The following ASXL1 variants were observed in gnomAD, a reference collection of about 807,000 sequenced individuals.
ASXL1 encodes the protein ASXL transcriptional regulator 1.
Under a neutral mutation model 89.1 loss-of-function variants are expected in ASXL1, and 65 were observed. That is an observed-to-expected ratio of 0.73 (90% CI 0.60 to 0.90). ASXL1 has a LOEUF of 0.90. ASXL1 is among the 40% of genes least tolerant of loss of function. The pLI is 0.00. For synonymous variants in ASXL1, 739 were observed against 746.9 expected (o/e 0.99, Z 0.17); for missense variants, 1,786 against 1,942.9 (o/e 0.92, Z 1.52).
intron 4 of ASXL1, among the ~76,000 whole-genome samples, chr20:32,425,590 A>G (rs751003544): frequency 2.0e-5 from 3 of 152,086 alleles, no homozygotes; most frequent in Non-Finnish European, 4.4e-5. Context: ...ATTGTTAGTG[A>G]GATTAAATAC....
intron 4 of ASXL1, among the ~76,000 whole-genome samples, chr20:32,403,963 A>T (rs1600531748): frequency 6.6e-6 from 1 of 152,284 alleles, no homozygotes; most frequent in East Asian, 1.9e-4. Context: ...TATAATGATC[A>T]AAGCAAGGTA....
chr20:32,375,138 G>C (rs2048355847), intron 4 of ASXL1, among the ~76,000 whole-genome samples: 1 of 152,088 alleles, frequency 6.6e-6, no homozygotes, highest in African/African-American at 2.4e-5. Context: ...ACCGTGCCCA[G>C]CCACCTCTGA....
At chr20:32,359,407 TG>T (rs1232433288) in intron 1 of ASXL1, 99 of 702,422 alleles carry the variant, frequency 1.4e-4, no homozygotes, top group Middle Eastern at 1.4e-3. Flanking sequence ...TAGTGTCCTG[TG>T]GGCGACACCT....
intron 4 of ASXL1, among the ~76,000 whole-genome samples, chr20:32,388,883 T>C (rs1356923948): frequency 1.3e-5 from 2 of 152,154 alleles, no homozygotes; most frequent in Non-Finnish European, 2.9e-5. Flanking sequence ...TTATGAAATA[T>C]ATAATTTATT....
chr20:32,412,780 A>C (rs1223821468), intron 4 of ASXL1, among the ~76,000 whole-genome samples: 1 of 150,712 alleles, frequency 6.6e-6, no homozygotes, highest in African/African-American at 2.4e-5. Context: ...GCTTATCTTG[A>C]ACTCCTGGGC....
At position 32,435,976 on chromosome 20, in the gene ASXL1, G is replaced by A; in HGVS notation, c.3264G>A (p.Gln1088=). ...TACTGCTGGCCAGTACTGAGTACCA[G>A]CCAAGAGCCGTGTGCCTGTCCATGC... ...DSLLLASTEY[Q]PRAVCLSMPG... is the part of the protein sequence containing the mutation. The change falls in exon 13 of 13, where the codon CAG becomes CAA. Residue 1088 remains glutamine (Q), a synonymous_variant. Coordinates refer to ENST00000375687, the MANE Select transcript of ASXL1 (RefSeq NM_015338.6). The A allele has an allele frequency of 6.2e-7, 1 of 1,614,162 alleles. No homozygotes were observed. Among genetic ancestry groups the A allele is most frequent in the Non-Finnish European group, 8.5e-7 (1 of 1,180,030 alleles).
At chr20:32,373,194 T>C (rs866180075) in intron 4 of ASXL1, among the ~76,000 whole-genome samples, 7 of 151,372 alleles carry the variant, frequency 4.6e-5, no homozygotes, top group Middle Eastern at 6.9e-3. Context: ...CTGGCCAACA[T>C]GGCGAAACCC....
At chr20:32,363,790 G>A (rs1344665574) in intron 1 of ASXL1, among the ~76,000 whole-genome samples, 1 of 152,200 alleles carries the variant, frequency 6.6e-6, no homozygotes, top group Admixed American at 6.5e-5. Context: ...ACAACACATA[G>A]CAGGAGAGAA....
chr20:32,358,955 C>T (rs1252884246), intron 1 of ASXL1, 123 bp downstream of exon 1: 10 of 1,057,088 alleles, frequency 9.5e-6, no homozygotes, highest in African/African-American at 6.8e-5. Context: ...GGGCCATCTT[C>T]CTTTAAGAAC....
Position 32,437,228 on chromosome 20 carries a change from T to C in ASXL1, c.4516T>C (p.Cys1506Arg). The C allele has an allele frequency of 6.2e-7, 1 of 1,613,770 alleles. No individual in the cohort carries two copies. The highest frequency in any genetic ancestry group is 1.1e-5 in the South Asian group (1 of 91,076). ...CACGGTGGAAAGCATCTCGCTCCAG[T>C]GTGCGTGCAGCCTGAAAGCCATGAT... The part of the protein sequence containing the change: ...SSTVESISLQ[C>R]ACSLKAMIMC... The change falls in exon 13 of 13, where the codon TGT becomes CGT. Residue 1506 changes from cysteine to arginine, a missense_variant. By Grantham distance (180) the Cys-to-Arg change is radical. Transcript: ENST00000375687.
At position 32,358,684 on chromosome 20, in the gene ASXL1, C is replaced by A. The variant is rs886056592; in HGVS notation, c.-92C>A. The A allele has an allele frequency of 1.9e-4, 101 of 528,552 alleles. No homozygotes were observed. Among genetic ancestry groups the A allele is most frequent in the Admixed American group, 2.5e-4 (4 of 16,180 alleles). The allele number at this position is 528,552 out of a possible 1,614,324, so 32.7% of individuals were successfully genotyped here. On this transcript the variant is annotated 5_prime_UTR_variant, in exon 1 of 13. Transcript: ENST00000375687. ...CGCCGCCGCTGCCACGCGCCCCCCC[C>A]ACCGCCGCCGCCGCCCCAGCCCCGC...
chr20:32,395,767 T>C lies in ASXL1; in HGVS notation c.252+26644T>C, dbSNP rs576152833. ...TCCCATGTTAAATCTGTTACTCTTA[T>C]CCAGAATTATACCTTTTATCCTTAA... On this transcript the variant is annotated intron_variant, in intron 4 of 12. Transcript: ENST00000375687. 3.3e-5 allele frequency among the ~76,000 whole-genome samples: 5 copies of C among 152,314 alleles called. No homozygotes were observed. In the South Asian group the frequency reaches 6.2e-4, roughly 19 times the overall value.
chr20:32,436,541 C>T lies in ASXL1; in HGVS notation c.3829C>T (p.Pro1277Ser), dbSNP rs2145388154. The change falls in exon 13 of 13, where the codon CCA becomes TCA. Residue 1277 changes from proline to serine, a missense_variant. Transcript: ENST00000375687. The part of the protein sequence containing the change: ...TTSRTPRFSS[P>S]NVISFGPEQT... Reference sequence around the variant, plus strand: ...CTCGAGAACACCTCGTTTCTCATCTCCAAATGTGATCTCCTTTGGTCCAGA... The same window carrying T: ...CTCGAGAACACCTCGTTTCTCATCTTCAAATGTGATCTCCTTTGGTCCAGA... 1 of 1,614,242 alleles carries T rather than the reference C, an allele frequency of 6.2e-7. No homozygotes were observed. Among genetic ancestry groups the T allele is most frequent in the Non-Finnish European group, 8.5e-7 (1 of 1,180,040 alleles).
At chr20:32,422,358 A>T (rs192471713) in intron 4 of ASXL1, among the ~76,000 whole-genome samples, 1 of 150,398 alleles carries the variant, frequency 6.6e-6, no homozygotes, top group African/African-American at 2.5e-5. Flanking sequence ...GGGGAAGGAT[A>T]GGAGGAGGTA....
intron 4 of ASXL1, among the ~76,000 whole-genome samples, chr20:32,378,774 C>G (rs2048431983): frequency 6.6e-6 from 1 of 151,462 alleles, no homozygotes; most frequent in East Asian, 1.9e-4. Context: ...AAATAGGGTC[C>G]AGGCCAGGCA....
At chr20:32,413,193 A>T (rs2049079685) in intron 4 of ASXL1, among the ~76,000 whole-genome samples, 1 of 152,174 alleles carries the variant, frequency 6.6e-6, no homozygotes, top group African/African-American at 2.4e-5. Flanking sequence ...TTGTTGTTTA[A>T]GGATGAAGGA....
intron 4 of ASXL1, among the ~76,000 whole-genome samples, chr20:32,407,646 G>A (rs2048978356): frequency 6.6e-6 from 1 of 151,878 alleles, no homozygotes; most frequent in African/African-American, 2.4e-5. Context: ...TCTGTTTTTT[G>A]TAGAGATGAC....
rs1209541431 is a variant in ASXL1, at chr20:32,433,359, T to C, written c.1161T>C (p.Cys387=). The part of the protein sequence containing the change: ...QEEAEIKSGL[C]VPGESVRIQR... ...AGGCTGAAATCAAAAGTGGCTTGTGTGTCCCAGGAGAATCAGTGCGTATAC... is the reference window on the plus strand; with the variant it reads ...AGGCTGAAATCAAAAGTGGCTTGTGCGTCCCAGGAGAATCAGTGCGTATAC... The change falls in exon 12 of 13, where the codon TGT becomes TGC. Residue 387 remains cysteine (C), a synonymous_variant. Coordinates refer to ENST00000375687, the MANE Select transcript of ASXL1 (RefSeq NM_015338.6). 1.2e-6 allele frequency: 2 copies of C among 1,614,052 alleles called. No homozygotes were observed. Among genetic ancestry groups the C allele is most frequent in the Admixed American group, 1.7e-5 (1 of 60,000 alleles).
chr20:32,437,416 A>G lies in ASXL1; in HGVS notation c.*78A>G, dbSNP rs529026401. On this transcript the variant is annotated 3_prime_UTR_variant, in exon 13 of 13. Transcript: ENST00000375687. ...GATTGATCTTAAATCTGTATACAGA[A>G]TATCATTGATATAATACTCTTTAGG... 1,478 of 1,573,774 alleles carry G rather than the reference A, an allele frequency of 9.4e-4. 7 individuals carry two copies. The highest frequency in any genetic ancestry group is 8.4e-3 in the Middle Eastern group (48 of 5,740).
Sources: allele counts gnomAD v4.1 joint callset (sites outside exome capture counted in the v4.1 genomes callset), GRCh38; gene constraint gnomAD v4.1.1; transcripts MANE v1.5; gene names NCBI Gene and HGNC (gene_info 2026-07-23, HGNC 2026-07-21).